MRPL42: variants seen among roughly 807,000 people sequenced by gnomAD.
MRPL42 encodes mitochondrial ribosomal protein L42.
MRPL42 carries 17 observed loss-of-function variants against 17.9 expected under a neutral mutation model. The observed-to-expected ratio is 0.95, with a 90% CI of 0.65 to 1.42. The LOEUF (loss-of-function observed/expected upper bound fraction) is 1.42, where lower values mean the gene tolerates loss of function less well. MRPL42 is among the 40% of genes most tolerant of loss of function. The probability of loss-of-function intolerance (pLI) is 0.00; values close to 1 mark genes in which losing one functional copy is unlikely to be tolerated. For missense variants in MRPL42, 177 were observed against 175.2 expected, an observed-to-expected ratio of 1.01 and a Z score of -0.06; for synonymous variants, 59 against 54.4, an observed-to-expected ratio of 1.08 and a Z score of -0.37.
intron 5 of MRPL42, among the ~76,000 whole-genome samples, chr12:93,491,245 A>G (rs1565816565): frequency 6.6e-6 from 1 of 152,226 alleles, no homozygotes; most frequent in Non-Finnish European, 1.5e-5. Context: ...TTTAAAATAT[A>G]AAATAGAAGT....
chr12:93,483,702 T>C (rs984740124), intron 4 of MRPL42, among the ~76,000 whole-genome samples: 9 of 152,200 alleles, frequency 5.9e-5, no homozygotes, highest in African/African-American at 2.2e-4. Context: ...AAACACTGTA[T>C]GCTTAGGCTA....
rs1250868344 is a variant in MRPL42, at chr12:93,479,379, T to G, written c.135-9T>G. The G allele has an allele frequency of 1.3e-6, 2 of 1,594,234 alleles. No individual in the cohort carries two copies. Among genetic ancestry groups the G allele is most frequent in the African/African-American group, 2.7e-5 (2 of 74,030 alleles). ...TATAACTTTATTTCTAAAACATTCT[T>G]TTTTTTAGCAACGTAGAGCTTGCTC... On this transcript the variant is annotated splice_polypyrimidine_tract_variant and intron_variant, in intron 3 of 5. Coordinates refer to ENST00000549982, the MANE Select transcript of MRPL42 (RefSeq NM_014050.4).
intron 5 of MRPL42, 54 bp from the exon 6 acceptor site, chr12:93,501,122 C>A: frequency 7.4e-7 from 1 of 1,346,214 alleles, no homozygotes; most frequent in Non-Finnish European, 1.0e-6. Context: ...AGATTTTTAT[C>A]AGGAATAATT....
intron 2 of MRPL42, among the ~76,000 whole-genome samples, chr12:93,471,657 C>G (rs1879917481): frequency 6.6e-6 from 1 of 152,134 alleles, no homozygotes; most frequent in South Asian, 2.1e-4. Context: ...TTGCCCCACT[C>G]TCCCATTTTT....
chr12:93,512,770 G>A lies in MRPL42; in HGVS notation c.*11549G>A, dbSNP rs1953736419. Reference sequence around the variant, plus strand: ...TTGTGAATTTGATAGAATGCTTTAAGTTTTATTTTCCAACAAAAGAATGTC... The same window carrying A: ...TTGTGAATTTGATAGAATGCTTTAAATTTTATTTTCCAACAAAAGAATGTC... On this transcript the variant is annotated 3_prime_UTR_variant, in exon 6 of 6. Transcript: ENST00000549982. 1 of 152,146 alleles carries A rather than the reference G, an allele frequency of 6.6e-6. No homozygotes were observed. Among genetic ancestry groups the A allele is most frequent in the African/African-American group, 2.4e-5 (1 of 41,440 alleles). 9.4% of individuals were successfully genotyped at this position (152,146 alleles called of 1,614,324 possible).
At position 93,502,437 on chromosome 12, in the gene MRPL42, G is replaced by A. The variant is rs1953609519; in HGVS notation, c.*1216G>A. ...GATACAGTATTTGTAAAATTGATAT[G>A]AAAAATAATTTCTCAAAGTCTATTG... is the stretch of plus-strand genomic sequence containing the variant. On this transcript the variant is annotated 3_prime_UTR_variant, in exon 6 of 6. Transcript: ENST00000549982. The A allele has an allele frequency of 6.6e-6, 1 of 152,080 alleles. No homozygotes were observed. Among genetic ancestry groups the A allele is most frequent in the African/African-American group, 2.4e-5 (1 of 41,428 alleles). 9.4% of individuals were successfully genotyped at this position (152,080 alleles called of 1,614,324 possible).
chr12:93,500,005 G>A (rs747366069), intron 5 of MRPL42, among the ~76,000 whole-genome samples: 6 of 152,084 alleles, frequency 3.9e-5, no homozygotes, highest in African/African-American at 1.4e-4. Flanking sequence ...AAAAACACAT[G>A]TACTCTGTGC....
Position 93,501,374 on chromosome 12 carries a change from G to T in MRPL42, c.*153G>T. 1 of 462,710 alleles carries T rather than the reference G, an allele frequency of 2.2e-6. No individual in the cohort carries two copies. The highest frequency in any genetic ancestry group is 3.6e-6 in the Non-Finnish European group (1 of 274,206). The allele number at this position is 462,710 out of a possible 1,614,324, so 28.7% of individuals were successfully genotyped here. ...TGTACTTTTATATAAAGTAATTCTG[G>T]ATTTGACATTCTCATTTAGAGAAAC... On this transcript the variant is annotated 3_prime_UTR_variant, in exon 6 of 6. Transcript: ENST00000549982.
At chr12:93,469,031 T>G (rs942279228) in intron 1 of MRPL42, among the ~76,000 whole-genome samples, 161 bp from the exon 2 acceptor site, 10 of 152,232 alleles carry the variant, frequency 6.6e-5, no homozygotes, top group Admixed American at 3.9e-4. Flanking sequence ...TCTGTCCATG[T>G]CGCTCTTCGT....
chr12:93,473,577 A>G (rs897333669), intron 2 of MRPL42, among the ~76,000 whole-genome samples: 1 of 151,888 alleles, frequency 6.6e-6, no homozygotes, highest in African/African-American at 2.4e-5. Flanking sequence ...GATTATAGGC[A>G]TGTACCACCA....
In MRPL42 at chr12:93,511,052, CT is replaced by C. The variant is rs927285991; in HGVS notation, c.*9832del. 2 of 152,012 alleles carry C rather than the reference CT, an allele frequency of 1.3e-5. No homozygotes were observed. The highest frequency in any genetic ancestry group is 4.8e-5 in the African/African-American group (2 of 41,382). 9.4% of individuals were successfully genotyped at this position (152,012 alleles called of 1,614,324 possible). On this transcript the variant is annotated 3_prime_UTR_variant, in exon 6 of 6. Transcript: ENST00000549982. ...TCTGAATGCAACAGTATTAGTAAAC[CT>C]AATGGTGACAATAAAAGCGATTCTG...
chr12:93,486,859 T>A (rs1306425914), intron 4 of MRPL42, among the ~76,000 whole-genome samples: 1 of 151,900 alleles, frequency 6.6e-6, no homozygotes, highest in Non-Finnish European at 1.5e-5. Flanking sequence ...AGACACGGTC[T>A]CGCTGTGTTG....
chr12:93,488,249 C>T (rs980970336), intron 5 of MRPL42: 6 of 396,194 alleles, frequency 1.5e-5, no homozygotes, highest in African/African-American at 4.1e-5. Context: ...GGATTACAGG[C>T]GTGAGCCACC....
chr12:93,507,021 C>A lies in MRPL42; in HGVS notation c.*5800C>A, dbSNP rs746104094. The A allele has an allele frequency of 6.6e-5, 10 of 152,162 alleles. No individual in the cohort carries two copies. The highest frequency in any genetic ancestry group is 2.2e-4 in the African/African-American group (9 of 41,428). 9.4% of individuals were successfully genotyped at this position (152,162 alleles called of 1,614,324 possible). ...CCCAAGATCACAGATTGTGGCAGAA[C>A]CAACCAATGTCTTTTTTAAACATTA... On this transcript the variant is annotated 3_prime_UTR_variant, in exon 6 of 6. Coordinates refer to ENST00000549982, the MANE Select transcript of MRPL42 (RefSeq NM_014050.4).
At chr12:93,471,887 G>T (rs1177628503) in intron 2 of MRPL42, among the ~76,000 whole-genome samples, 25 of 152,116 alleles carry the variant, frequency 1.6e-4, no homozygotes, top group Admixed American at 1.6e-3. Context: ...TCTTTGCCTT[G>T]CAGGAACCCA....
chr12:93,469,203 G>T lies in MRPL42; in HGVS notation c.-83G>T. The T allele has an allele frequency of 1.9e-6, 2 of 1,040,408 alleles. No individual in the cohort carries two copies. The highest frequency in any genetic ancestry group is 1.4e-6 in the Non-Finnish European group (1 of 697,488). The allele number at this position is 1,040,408 out of a possible 1,614,324, so 64.4% of individuals were successfully genotyped here. On this transcript the variant is annotated 5_prime_UTR_variant, in exon 2 of 6. Transcript: ENST00000549982. ...TATCTCTTCAGCAGGAGTAGAAATT[G>T]GTATGCTTAGAAGCAGATTCTAAAA...
At chr12:93,499,672 A>G (rs913444438) in intron 5 of MRPL42, among the ~76,000 whole-genome samples, 9 of 152,110 alleles carry the variant, frequency 5.9e-5, no homozygotes, top group African/African-American at 2.2e-4. Context: ...TGCAGATGGT[A>G]TTTTACTGTG....
chr12:93,475,745 G>A (rs1353785786), intron 2 of MRPL42, among the ~76,000 whole-genome samples: 1 of 152,038 alleles, frequency 6.6e-6, no homozygotes, highest in Non-Finnish European at 1.5e-5. Context: ...AGCACTTTGG[G>A]AGGCCGAGGC....
rs1454561921 is a variant in MRPL42, at chr12:93,509,138, A to G, written c.*7917A>G. 1 of 150,956 alleles carries G rather than the reference A, an allele frequency of 6.6e-6. No individual in the cohort carries two copies. Among genetic ancestry groups the G allele is most frequent in the Non-Finnish European group, 1.5e-5 (1 of 67,748 alleles). The allele number at this position is 150,956 out of a possible 1,614,324, so 9.4% of individuals were successfully genotyped here. A position where few individuals can be genotyped will look rare whatever the true frequency, so the allele number is the denominator to read the frequency against. ...AGGAGGCAGAGGTTGCAGTGGGCCA[A>G]GATCACACCACTGCACTCCAGTCTG... On this transcript the variant is annotated 3_prime_UTR_variant, in exon 6 of 6. Coordinates refer to ENST00000549982, the MANE Select transcript of MRPL42 (RefSeq NM_014050.4).
Sources: allele counts gnomAD v4.1 joint callset (sites outside exome capture counted in the v4.1 genomes callset), GRCh38; gene constraint gnomAD v4.1.1; transcripts MANE v1.5; gene names NCBI Gene and HGNC (gene_info 2026-07-23, HGNC 2026-07-21).